The following SYNPO2 variants were observed in gnomAD, a reference collection of about 807,000 sequenced individuals.
The protein encoded by SYNPO2 is synaptopodin-2.
In SYNPO2, 56 loss-of-function variants were observed where a neutral mutation model predicts 85.0. That is an observed-to-expected ratio of 0.66 (90% CI 0.53 to 0.82). SYNPO2 has a LOEUF of 0.82. Ranked by LOEUF, SYNPO2 falls within the 40% of genes least tolerant of loss-of-function variation. The pLI is 0.00. For synonymous variants in SYNPO2, 602 were observed against 591.1 expected, an observed-to-expected ratio of 1.02 and a Z score of -0.27; for missense variants, 1,575 against 1,534.2, an observed-to-expected ratio of 1.03 and a Z score of -0.44.
At chr4:118,921,828 C>T (rs1733550898) in intron 1 of SYNPO2, among the ~76,000 whole-genome samples, 1 of 151,432 alleles carries the variant, frequency 6.6e-6, no homozygotes, top group Admixed American at 6.6e-5. Context: ...ATCTTGTTTT[C>T]ATTCTTGCTT....
chr4:118,903,721 T>TG (rs200791298), intron 1 of SYNPO2, among the ~76,000 whole-genome samples: 4,580 of 150,064 alleles, frequency 0.031, 98 homozygotes, highest in South Asian at 0.057. Flanking sequence ...ATGGTACAAT[T>TG]TTTTTTTTTT....
In SYNPO2 at chr4:118,879,319, C is replaced by T. The variant is rs574888920; in HGVS notation, c.12+28379C>T. 1.9e-4 allele frequency among the ~76,000 whole-genome samples: 29 copies of T among 152,278 alleles called. 1 individual carries two copies. Among genetic ancestry groups the T allele is most frequent in the South Asian group, 1.0e-3 (5 of 4,826 alleles). On this transcript the variant is annotated intron_variant, in intron 1 of 4. Transcript: ENST00000610556. ...TCAGAGAGGGTTAGAGCTTCCTTTT[C>T]CCTAGGCTCTGGGGAACTGAACGTT...
intron 1 of SYNPO2, among the ~76,000 whole-genome samples, chr4:119,004,031 T>G (rs1424167480): frequency 6.6e-6 from 1 of 152,164 alleles, no homozygotes; most frequent in East Asian, 1.9e-4. Flanking sequence ...GAAATGGCAT[T>G]GAGAGGGTCT....
At chr4:118,857,215 C>G (rs1253571081) in intron 1 of SYNPO2, among the ~76,000 whole-genome samples, 1 of 152,118 alleles carries the variant, frequency 6.6e-6, no homozygotes, top group Non-Finnish European at 1.5e-5. Flanking sequence ...ATTCTCTTAT[C>G]TTCTGTATTG....
intron 1 of SYNPO2, among the ~76,000 whole-genome samples, chr4:118,986,813 A>G (rs1258215350): frequency 1.3e-5 from 2 of 152,158 alleles, no homozygotes; most frequent in African/African-American, 2.4e-5. Context: ...TCATTTCACC[A>G]TTAAATAAAT....
intron 1 of SYNPO2, among the ~76,000 whole-genome samples, chr4:118,967,252 C>T (rs1388551581): frequency 6.6e-6 from 1 of 152,138 alleles, no homozygotes; most frequent in Non-Finnish European, 1.5e-5. Flanking sequence ...CTTTCCTCTA[C>T]CTCTGTCTCC....
intron 1 of SYNPO2, among the ~76,000 whole-genome samples, chr4:118,997,093 A>G (rs1206232431): frequency 1.3e-5 from 2 of 151,048 alleles, no homozygotes; most frequent in African/African-American, 2.4e-5. Flanking sequence ...ACAAAAAATT[A>G]GCAGGGCGTA....
intron 2 of SYNPO2, among the ~76,000 whole-genome samples, chr4:119,023,917 C>T (rs1161344030): frequency 6.6e-6 from 1 of 152,146 alleles, no homozygotes; most frequent in Non-Finnish European, 1.5e-5. Context: ...ATCAGAATCA[C>T]TCAATTGTAA....
intron 3 of SYNPO2, 55 bp from the exon 4 acceptor site, chr4:119,029,790 T>C (rs1342056049): frequency 3.4e-6 from 5 of 1,483,304 alleles, no homozygotes; most frequent in East Asian, 2.3e-5. Context: ...GTTGCTGTGG[T>C]GTCTTCCTTG....
chr4:119,034,690 G>C, intron 4 of SYNPO2: 2 of 985,526 alleles, frequency 2.0e-6, no homozygotes, highest in Non-Finnish European at 1.2e-6. Flanking sequence ...TGAGGGAGAT[G>C]GGAAGTGGGA....
chr4:118,923,401 A>T (rs1395233361), intron 1 of SYNPO2, among the ~76,000 whole-genome samples: 1 of 152,064 alleles, frequency 6.6e-6, no homozygotes, highest in East Asian at 1.9e-4. Context: ...TTGAGGATGG[A>T]TTGGGGAGGA....
At chr4:118,858,221 G>T (rs1731543011) in intron 1 of SYNPO2, among the ~76,000 whole-genome samples, 1 of 151,916 alleles carries the variant, frequency 6.6e-6, no homozygotes, top group Non-Finnish European at 1.5e-5. Flanking sequence ...AGGGAAGATA[G>T]GGTCTCTCCA....
intron 1 of SYNPO2, among the ~76,000 whole-genome samples, chr4:118,893,293 G>T (rs2149114901): frequency 6.6e-6 from 1 of 152,286 alleles, no homozygotes; most frequent in Non-Finnish European, 1.5e-5. Context: ...ATGACAATGA[G>T]ATAAAATATT....
At chr4:119,045,562 C>T (rs926371536) in intron 4 of SYNPO2, among the ~76,000 whole-genome samples, 4 of 152,302 alleles carry the variant, frequency 2.6e-5, no homozygotes, top group South Asian at 2.1e-4. Context: ...TAGAAACTGA[C>T]GAAGTCTGAA....
intron 1 of SYNPO2, among the ~76,000 whole-genome samples, chr4:118,985,115 T>C (rs991530148): frequency 2.0e-5 from 3 of 152,158 alleles, no homozygotes; most frequent in African/African-American, 7.2e-5. Flanking sequence ...TGGCAATCTG[T>C]AGATTAAATA....
At chr4:118,890,071 T>C (rs969350542) in intron 1 of SYNPO2, among the ~76,000 whole-genome samples, 2 of 152,190 alleles carry the variant, frequency 1.3e-5, no homozygotes, top group African/African-American at 2.4e-5. Flanking sequence ...CAGATCTTTA[T>C]GAAATACATG....
At chr4:119,050,411 ACTGC>A (rs1578677820) in intron 4 of SYNPO2, among the ~76,000 whole-genome samples, 2 of 152,212 alleles carry the variant, frequency 1.3e-5, no homozygotes, top group East Asian at 3.9e-4. Context: ...CTGGTATGAG[ACTGC>A]CTGCCTGGGT....
intron 1 of SYNPO2, among the ~76,000 whole-genome samples, chr4:118,894,635 AAG>A (rs1023613292): frequency 4.0e-5 from 6 of 151,862 alleles, no homozygotes; most frequent in Admixed American, 2.6e-4. Context: ...AGGGAGGAAG[AAG>A]AGAGAGAGAG....
intron 1 of SYNPO2, among the ~76,000 whole-genome samples, chr4:118,922,681 C>CT (rs145113080): frequency 0.03 from 4,303 of 142,574 alleles, 71 homozygotes; most frequent in African/African-American, 0.046. Flanking sequence ...AGGTAACAGC[C>CT]TTTTTTTTTT....
Sources: gnomAD v4.1 joint callset for allele counts (sites outside exome capture counted in the v4.1 genomes callset) on GRCh38, gnomAD v4.1.1 for gene constraint, MANE v1.5 for transcripts, NCBI Gene and HGNC (gene_info 2026-07-23, HGNC 2026-07-21) for gene names.